Variants in CTNNB1 observed in about 807,000 individuals in gnomAD.
CTNNB1 encodes catenin beta 1.
In CTNNB1, 6 loss-of-function variants were observed where a neutral mutation model predicts 82.5. The ratio of observed to expected loss-of-function variants is 0.07; its 90% CI spans 0.04 to 0.14. CTNNB1 has a LOEUF of 0.14. Ranked by LOEUF, CTNNB1 falls within the 10% of genes least tolerant of loss-of-function variation. CTNNB1 has a pLI of 1.00. For missense variants in CTNNB1, 529 were observed against 980.4 expected (o/e 0.54, Z 6.15); for synonymous variants, 312 against 329.7 (o/e 0.95, Z 0.58).
intron 11 of CTNNB1, 148 bp downstream of exon 11, chr3:41,235,991 G>A: frequency 1.0e-6 from 1 of 979,102 alleles, no homozygotes; most frequent in Non-Finnish European, 1.6e-6. Flanking sequence ...GTCAGTAAGA[G>A]AAACATTGAG....
intron 1 of CTNNB1, among the ~76,000 whole-genome samples, chr3:41,222,940 T>C (rs1181240708): frequency 6.6e-6 from 1 of 152,122 alleles, no homozygotes; most frequent in East Asian, 1.9e-4. Flanking sequence ...AGTCAAAAGA[T>C]AGAAACTAAG....
chr3:41,231,158 TCTA>T (rs2078297528), intron 7 of CTNNB1, among the ~76,000 whole-genome samples: 1 of 152,036 alleles, frequency 6.6e-6, no homozygotes, highest in Non-Finnish European at 1.5e-5. Flanking sequence ...AAACCCCATC[TCTA>T]CTAAAAATAC....
chr3:41,203,356 C>G (rs866426561), intron 1 of CTNNB1, among the ~76,000 whole-genome samples: 1 of 152,028 alleles, frequency 6.6e-6, no homozygotes, highest in South Asian at 2.1e-4. Flanking sequence ...AAAATGTCTT[C>G]TCAGCCAATA....
At chr3:41,211,051 A>T (rs1363488202) in intron 1 of CTNNB1, 2 of 456,438 alleles carry the variant, frequency 4.4e-6, no homozygotes, top group Admixed American at 4.7e-5. Flanking sequence ...CTTTGGCCTC[A>T]CAAAGTGCGA....
intron 1 of CTNNB1, chr3:41,199,917 G>A (rs961488112): frequency 4.7e-5 from 7 of 149,440 alleles, no homozygotes; most frequent in Admixed American, 1.3e-4. Flanking sequence ...TTGCGGGGAG[G>A]GGGCGCCGCG....
intron 1 of CTNNB1, chr3:41,222,362 T>C (rs1297100725): frequency 6.6e-6 from 1 of 152,264 alleles, no homozygotes; most frequent in Non-Finnish European, 1.5e-5. Context: ...GAGTCTATGC[T>C]GTTACCTAAT....
Position 41,225,643 on chromosome 3 carries a change from T to C in CTNNB1, c.735-17T>C. The stretch of plus-strand genomic sequence containing the variant: ...ATACTCACAATATTTCTGATGAGGC[T>C]TTTTTCTTCTTCCCAGTTCACCAGT... On this transcript the variant is annotated splice_polypyrimidine_tract_variant and intron_variant, in intron 5 of 14. Coordinates refer to ENST00000349496, the MANE Select transcript of CTNNB1 (RefSeq NM_001904.4). The surrounding 1 kb of genome is among the most constrained non-coding windows in gnomAD (Gnocchi z 5.3). 2 of 1,614,024 alleles carry C rather than the reference T, an allele frequency of 1.2e-6. No individual in the cohort carries two copies. Among genetic ancestry groups the C allele is most frequent in the South Asian group, 1.1e-5 (1 of 91,092 alleles).
chr3:41,207,232 G>A (rs1477496623), intron 1 of CTNNB1, among the ~76,000 whole-genome samples: 3 of 152,180 alleles, frequency 2.0e-5, no homozygotes, highest in Non-Finnish European at 2.9e-5. Context: ...CGTTGAGGCA[G>A]AGTAATTAAT....
At chr3:41,209,933 T>C (rs1362981903) in intron 1 of CTNNB1, among the ~76,000 whole-genome samples, 1 of 152,212 alleles carries the variant, frequency 6.6e-6, no homozygotes, top group Non-Finnish European at 1.5e-5. Context: ...ACACTTGGGC[T>C]ACACTACATT....
At chr3:41,216,129 C>T (rs1176705257) in intron 1 of CTNNB1, among the ~76,000 whole-genome samples, 2 of 152,142 alleles carry the variant, frequency 1.3e-5, no homozygotes, top group African/African-American at 2.4e-5. Flanking sequence ...TACATTAATA[C>T]TGCTAATCAG....
chr3:41,222,792 G>A (rs2078079948), intron 1 of CTNNB1, among the ~76,000 whole-genome samples: 1 of 152,226 alleles, frequency 6.6e-6, no homozygotes, highest in Admixed American at 6.5e-5. Context: ...TTCTGAGTCT[G>A]TTGACATTGG....
chr3:41,235,206 CA>C (rs1328741987), intron 10 of CTNNB1: 3 of 163,612 alleles, frequency 1.8e-5, no homozygotes, highest in Non-Finnish European at 4.0e-5. Context: ...TTACATATTG[CA>C]AAAGCTATCT....
intron 14 of CTNNB1, 82 bp downstream of exon 14, chr3:41,238,158 TG>T: frequency 7.8e-7 from 1 of 1,275,950 alleles, no homozygotes; most frequent in East Asian, 2.3e-5. Flanking sequence ...TTTGCTCATC[TG>T]GGAAACCAGT....
At chr3:41,220,898 A>C (rs1036770832) in intron 1 of CTNNB1, 1 of 152,236 alleles carries the variant, frequency 6.6e-6, no homozygotes, top group African/African-American at 2.4e-5. Flanking sequence ...AAATAACTTC[A>C]GTGTGAAATC....
At chr3:41,215,387 A>AT (rs2077892151) in intron 1 of CTNNB1, among the ~76,000 whole-genome samples, 1 of 149,444 alleles carries the variant, frequency 6.7e-6, no homozygotes, top group African/African-American at 2.5e-5. Flanking sequence ...CATCTCAAAA[A>AT]AAAAAAAAAA....
chr3:41,238,227 A>C, intron 14 of CTNNB1, 151 bp downstream of exon 14: 1 of 714,852 alleles, frequency 1.4e-6, no homozygotes, highest in Non-Finnish European at 2.5e-6. Context: ...AGTCAGCAAC[A>C]GTATCTTTAA....
At chr3:41,217,112 T>C (rs556961256) in intron 1 of CTNNB1, among the ~76,000 whole-genome samples, 1 of 152,304 alleles carries the variant, frequency 6.6e-6, no homozygotes, top group African/African-American at 2.4e-5. Context: ...TTCTCTGCCT[T>C]CTAGTTACAC....
intron 7 of CTNNB1, among the ~76,000 whole-genome samples, chr3:41,231,106 T>C (rs748997193): frequency 6.6e-6 from 1 of 151,966 alleles, no homozygotes; most frequent in Non-Finnish European, 1.5e-5. Flanking sequence ...GGTGGGCGGA[T>C]CATGAGGTCA....
At position 41,234,681 on chromosome 3, in the gene CTNNB1, T is replaced by C. The variant is rs1331480955; in HGVS notation, c.1683+384T>C. 1.7e-5 allele frequency: 4 copies of C among 230,480 alleles called. No homozygotes were observed. In the East Asian group the frequency reaches 4.1e-4, roughly 23 times the overall value. The allele number at this position is 230,480 out of a possible 1,614,324, so 14.3% of individuals were successfully genotyped here. A position where few individuals can be genotyped will look rare whatever the true frequency, so the allele number is the denominator to read the frequency against. ...ATCATGCATTTTGACTATAAATATT[T>C]AGCAGTCCGTTTTATTATCTTTTCT... On this transcript the variant is annotated intron_variant, in intron 10 of 14. Coordinates refer to ENST00000349496, the MANE Select transcript of CTNNB1 (RefSeq NM_001904.4).
Sources: gnomAD v4.1 joint callset for allele counts (sites outside exome capture counted in the v4.1 genomes callset) on GRCh38, gnomAD v4.1.1 for gene constraint, Gnocchi (gnomAD v3.1) non-coding constraint, MANE v1.5 for transcripts, NCBI Gene and HGNC (gene_info 2026-07-23, HGNC 2026-07-21) for gene names.